The following LUC7L2 variants were observed in gnomAD, a reference collection of about 807,000 sequenced individuals.
LUC7L2 encodes LUC7 like 2, pre-mRNA splicing factor.
Under a neutral mutation model 52.8 loss-of-function variants are expected in LUC7L2, and 25 were observed. The ratio of observed to expected loss-of-function variants is 0.47; its 90% CI spans 0.34 to 0.66. The LOEUF (loss-of-function observed/expected upper bound fraction) is 0.66, where lower values mean the gene tolerates loss of function less well. Ranked by LOEUF, LUC7L2 falls within the 30% of genes least tolerant of loss-of-function variation. The probability of loss-of-function intolerance (pLI) is 0.01; values close to 1 mark genes in which losing one functional copy is unlikely to be tolerated. For missense variants in LUC7L2, 328 were observed against 497.8 expected, an observed-to-expected ratio of 0.66 and a Z score of 3.25; for synonymous variants, 144 against 160.9, an observed-to-expected ratio of 0.89 and a Z score of 0.80.
chr7:139,347,587 C>CAA (rs890685958), intron 1 of LUC7L2, among the ~76,000 whole-genome samples: 1 of 106,234 alleles, frequency 9.4e-6, no homozygotes. Context: ...AACTCCGTCT[C>CAA]AAAAAAAAAA....
upstream of LUC7L2, among the ~76,000 whole-genome samples, chr7:139,355,454 C>A (rs1040868117): frequency 6.6e-6 from 1 of 151,960 alleles, no homozygotes; most frequent in Non-Finnish European, 1.5e-5. Flanking sequence ...CACAAAAAAC[C>A]TTAAGATACT....
chr7:139,371,183 C>T (rs1282285002), intron 1 of LUC7L2, among the ~76,000 whole-genome samples: 2 of 152,204 alleles, frequency 1.3e-5, no homozygotes, highest in African/African-American at 4.8e-5. Flanking sequence ...TATGCTGTTG[C>T]ATTCTCCTCC....
intron 2 of LUC7L2, among the ~76,000 whole-genome samples, chr7:139,395,682 C>T (rs527245158): frequency 3.3e-5 from 5 of 152,200 alleles, no homozygotes; most frequent in Non-Finnish European, 7.4e-5. Context: ...GCTCTGTCAC[C>T]CAGGCTGGAA....
chr7:139,368,051 T>C (rs1800254932), intron 1 of LUC7L2, among the ~76,000 whole-genome samples: 1 of 152,228 alleles, frequency 6.6e-6, no homozygotes, highest in Admixed American at 6.5e-5. Context: ...TATAAATATT[T>C]TGAAAACTTC....
chr7:139,341,629 A>G lies in LUC7L2; in HGVS notation c.-26+1112A>G, dbSNP rs75799520. ...TTTAATTCCTGCATTTCTGAGGCCA[A>G]CCCTCCCACGGAGCCCTGGTTCTGA... On this transcript the variant is annotated intron_variant, in intron 1 of 10. Coordinates refer to the LUC7L2 transcript ENST00000541170. 4.5e-3 allele frequency: 6,609 copies of G among 1,461,172 alleles called. 252 individuals carry two copies. The African/African-American group carries it at 0.081, about 18-fold the overall frequency. 90.5% of individuals were successfully genotyped at this position (1,461,172 alleles called of 1,614,324 possible).
At chr7:139,377,066 T>C (rs1163916824) in intron 2 of LUC7L2, among the ~76,000 whole-genome samples, 1 of 152,218 alleles carries the variant, frequency 6.6e-6, no homozygotes, top group Non-Finnish European at 1.5e-5. Context: ...GTTGAAACTA[T>C]ATTATGTTAA....
intron 9 of LUC7L2, among the ~76,000 whole-genome samples, chr7:139,419,147 A>AAAG (rs1457038086): frequency 6.6e-6 from 1 of 151,402 alleles, no homozygotes; most frequent in African/African-American, 2.4e-5. Flanking sequence ...AAAAACAAAA[A>AAAG]GTCTCCTATG....
chr7:139,366,397 A>G (rs573501949), intron 1 of LUC7L2, among the ~76,000 whole-genome samples: 1 of 152,190 alleles, frequency 6.6e-6, no homozygotes, highest in African/African-American at 2.4e-5. Context: ...TAATTATTGG[A>G]TAGTATCTAT....
chr7:139,417,493 A>G (rs749575582), intron 8 of LUC7L2, 45 bp from the exon 9 acceptor site: 7 of 1,584,266 alleles, frequency 4.4e-6, no homozygotes, highest in South Asian at 3.4e-5. Flanking sequence ...AATGAGAAAT[A>G]TAGTAATTAC....
chr7:139,355,182 G>C (rs1293958752), upstream of LUC7L2, among the ~76,000 whole-genome samples: 2 of 151,850 alleles, frequency 1.3e-5, no homozygotes, highest in Admixed American at 6.6e-5. Flanking sequence ...CAGACTTTCC[G>C]CCCAGATTTT....
In LUC7L2 at chr7:139,398,661, T is replaced by C. The variant is rs781430424; in HGVS notation, c.219T>C (p.Ile73=). 18 of 1,612,484 alleles carry C rather than the reference T, an allele frequency of 1.1e-5. No individual in the cohort carries two copies. In the East Asian group the frequency reaches 4.0e-4, roughly 36 times the overall value. Residue 73 remains isoleucine (I), a synonymous_variant, in exon 3 of 10, where the codon ATT becomes ATC. Coordinates refer to ENST00000354926, the MANE Select transcript of LUC7L2 (RefSeq NM_016019.5). ...TGGCTTTAAGAGCGGATTATGAAATTGCATCCAAAGAACAAGATTTTTTCT... is the reference window on the plus strand; with the variant it reads ...TGGCTTTAAGAGCGGATTATGAAATCGCATCCAAAGAACAAGATTTTTTCT... ...HDLALRADYE[I]ASKEQDFFFE...
chr7:139,417,641 T>A lies in LUC7L2; in HGVS notation c.913T>A (p.Ser305Thr). Residue 305 changes from serine (S) to threonine (T), a missense_variant, in exon 9 of 10, where the codon TCC (serine) becomes ACC (threonine). Physicochemically the swap from Ser to Thr is moderately conservative, Grantham distance 58. Around this residue, in one of 2 missense-constraint regions of LUC7L2, gnomAD observed 195 missense variants for 223.3 expected, o/e 0.87. Transcript: ENST00000354926. ...TCGGGAGAAACGCCATCGCCACAGG[T>A]CCCGCTCCAGCAGCCGTAGCCGCAG... ...KSREKRHRHR[S>T]RSSSRSRSRS... 1 of 1,613,978 alleles carries A rather than the reference T, an allele frequency of 6.2e-7. No homozygotes were observed. The highest frequency in any genetic ancestry group is 8.5e-7 in the Non-Finnish European group (1 of 1,180,006).
intron 1 of LUC7L2, among the ~76,000 whole-genome samples, chr7:139,352,155 C>T (rs1447352499): frequency 6.6e-6 from 1 of 152,008 alleles, no homozygotes; most frequent in African/African-American, 2.4e-5. Context: ...TGATCATAGC[C>T]ACTGCTCTCC....
At chr7:139,371,264 T>G (rs1299205519) in intron 1 of LUC7L2, 1 of 618,688 alleles carries the variant, frequency 1.6e-6, no homozygotes, top group Non-Finnish European at 2.9e-6. Flanking sequence ...GTAAATTGCT[T>G]GCCATGAATG....
rs1341438291 is a variant in LUC7L2 at position 139,349,730 on chromosome 7, C to G, written c.-26+9213C>G. On this transcript the variant is annotated intron_variant, in intron 1 of 10. Transcript: ENST00000541170. ...CTTTTACAGCTACTACCCGCTGTTC[C>G]TCTTCACAAATGAATTAACGTATTC... is the stretch of plus-strand genomic sequence containing the variant. Among the ~76,000 whole-genome samples, 4 of 152,076 alleles carry G rather than the reference C, an allele frequency of 2.6e-5. No individual in the cohort carries two copies. The East Asian group carries it at 7.7e-4, about 29-fold the overall frequency.
Position 139,422,299 on chromosome 7 carries a change from G to C in LUC7L2, c.1138G>C (p.Asp380His). ...TGAGAGTGCTAATGGCAGATCAGAAGACAGGAGGAGCTCTGAAGAGCGCGA... is the reference window on the plus strand; with the variant it reads ...TGAGAGTGCTAATGGCAGATCAGAACACAGGAGGAGCTCTGAAGAGCGCGA... ...SYESANGRSE[D>H]RRSSEEREAG... Residue 380 changes from aspartate to histidine, a missense_variant, in exon 10 of 10, where the codon GAC becomes CAC. Physicochemically the swap from Asp to His is moderately conservative, Grantham distance 81. This residue lies in a region of LUC7L2 where 195 missense variants were observed against 223.3 expected (regional missense o/e 0.87). Coordinates refer to ENST00000354926, the MANE Select transcript of LUC7L2 (RefSeq NM_016019.5). 4 of 1,614,128 alleles carry C rather than the reference G, an allele frequency of 2.5e-6. No individual in the cohort carries two copies. The highest frequency in any genetic ancestry group is 3.4e-6 in the Non-Finnish European group (4 of 1,180,016).
chr7:139,413,287 T>C (rs1430328223), intron 8 of LUC7L2, among the ~76,000 whole-genome samples: 2 of 152,228 alleles, frequency 1.3e-5, no homozygotes, highest in African/African-American at 2.4e-5. Flanking sequence ...AGTTCTTCAC[T>C]TGCCCTTCTC....
chr7:139,352,268 T>C (rs1563251436), intron 1 of LUC7L2, among the ~76,000 whole-genome samples: 1 of 151,920 alleles, frequency 6.6e-6, no homozygotes, highest in African/African-American at 2.4e-5. Flanking sequence ...GGCAGGAGGA[T>C]GGCTTGGGGC....
chr7:139,398,708 T>C lies in LUC7L2; in HGVS notation c.255+11T>C. ...TTCTTTGAACTTGATGTATGTGATTTTGCTTTAATGGTTTGTTGTTATCTT... is the reference window on the plus strand; with the variant it reads ...TTCTTTGAACTTGATGTATGTGATTCTGCTTTAATGGTTTGTTGTTATCTT... On this transcript the variant is annotated intron_variant, in intron 3 of 9. Transcript: ENST00000354926. The C allele has an allele frequency of 6.2e-7, 1 of 1,607,266 alleles. No homozygotes were observed. The highest frequency in any genetic ancestry group is 8.5e-7 in the Non-Finnish European group (1 of 1,177,856).
Sources: allele counts gnomAD v4.1 joint callset (sites outside exome capture counted in the v4.1 genomes callset), GRCh38; gene constraint gnomAD v4.1.1; regional missense constraint gnomAD v4.1.1; transcripts MANE v1.5; gene names NCBI Gene and HGNC (gene_info 2026-07-23, HGNC 2026-07-21).